The following SGCZ variants were observed in gnomAD, a reference collection of about 807,000 sequenced individuals.
SGCZ encodes the protein sarcoglycan zeta.
In SGCZ, 40 loss-of-function variants were observed where a neutral mutation model predicts 41.3. The observed-to-expected ratio is 0.97, with a 90% CI of 0.75 to 1.26. The LOEUF (loss-of-function observed/expected upper bound fraction) is 1.26, where lower values mean the gene tolerates loss of function less well. SGCZ is among the 50% of genes most tolerant of loss of function. The pLI is 0.00. For synonymous variants in SGCZ, 206 were observed against 137.5 expected, an observed-to-expected ratio of 1.50 and a Z score of -3.49; for missense variants, 552 against 369.8, an observed-to-expected ratio of 1.49 and a Z score of -4.04.
At chr8:14,293,773 C>G (rs193194391) in intron 3 of SGCZ, among the ~76,000 whole-genome samples, 24 of 151,938 alleles carry the variant, frequency 1.6e-4, no homozygotes, top group African/African-American at 5.8e-4. Flanking sequence ...TAAGCATTTT[C>G]CAACTTTGTC....
chr8:14,462,292 C>T (rs565823488), intron 2 of SGCZ, among the ~76,000 whole-genome samples: 11 of 151,916 alleles, frequency 7.2e-5, no homozygotes, highest in Non-Finnish European at 1.2e-4. Context: ...AAAAATGGAA[C>T]ACACAGGTAT....
intron 4 of SGCZ, among the ~76,000 whole-genome samples, chr8:14,180,336 G>C (rs1804681521): frequency 1.3e-5 from 2 of 152,132 alleles, no homozygotes; most frequent in Non-Finnish European, 2.9e-5. Flanking sequence ...AAGCACTGCA[G>C]GAAGTGCTTG....
At chr8:14,941,499 T>C (rs939090335) in intron 1 of SGCZ, among the ~76,000 whole-genome samples, 4 of 152,100 alleles carry the variant, frequency 2.6e-5, no homozygotes, top group Non-Finnish European at 5.9e-5. Flanking sequence ...ATAGTATGTT[T>C]ATATTTTCAT....
chr8:15,175,917 G>C (rs1409789768), intron 1 of SGCZ, among the ~76,000 whole-genome samples: 1 of 152,106 alleles, frequency 6.6e-6, no homozygotes, highest in Non-Finnish European at 1.5e-5. Flanking sequence ...AAGATTGCTA[G>C]GAAGATGGGC....
chr8:14,820,921 CAA>C (rs79481818), intron 1 of SGCZ, among the ~76,000 whole-genome samples: 1 of 132,564 alleles, frequency 7.5e-6, no homozygotes, highest in Admixed American at 7.3e-5. Flanking sequence ...CCTAAAGGAA[CAA>C]AAAAAAAACA....
At chr8:14,812,832 T>C (rs577846800) in intron 1 of SGCZ, among the ~76,000 whole-genome samples, 277 of 152,288 alleles carry the variant, frequency 1.8e-3, no homozygotes, top group Non-Finnish European at 3.2e-3. Flanking sequence ...TTATCAAGCA[T>C]GCTTATTAAA....
chr8:15,039,125 G>T (rs915793197), intron 1 of SGCZ, among the ~76,000 whole-genome samples: 8 of 151,998 alleles, frequency 5.3e-5, no homozygotes, highest in African/African-American at 1.9e-4. Context: ...ACTCACTACC[G>T]GTATATAGCC....
chr8:14,381,465 C>T (rs1025550524), intron 2 of SGCZ, among the ~76,000 whole-genome samples: 1 of 152,056 alleles, frequency 6.6e-6, no homozygotes, highest in Non-Finnish European at 1.5e-5. Flanking sequence ...TCTAAGAATA[C>T]TTCCAAAACA....
intron 1 of SGCZ, among the ~76,000 whole-genome samples, chr8:14,868,005 G>A (rs1803995724): frequency 1.3e-5 from 2 of 151,558 alleles, no homozygotes; most frequent in African/African-American, 2.4e-5. Flanking sequence ...CCACATGATT[G>A]AGTCCCTGCC....
intron 5 of SGCZ, among the ~76,000 whole-genome samples, chr8:14,125,945 G>C (rs1399698696): frequency 1.3e-5 from 2 of 152,124 alleles, no homozygotes; most frequent in East Asian, 3.8e-4. Flanking sequence ...CTGAAAACTG[G>C]ATTTGTTCGT....
intron 1 of SGCZ, among the ~76,000 whole-genome samples, chr8:15,014,572 G>C (rs1037190609): frequency 2.6e-5 from 4 of 152,154 alleles, no homozygotes; most frequent in Non-Finnish European, 4.4e-5. Context: ...AGAAACATGA[G>C]GCTCTGGTCA....
intron 1 of SGCZ, among the ~76,000 whole-genome samples, chr8:15,146,759 A>C (rs970770626): frequency 6.6e-6 from 1 of 152,200 alleles, no homozygotes; most frequent in East Asian, 1.9e-4. Context: ...TTTGACAAAA[A>C]TATTTTTATA....
chr8:14,441,614 T>G (rs1480861342), intron 2 of SGCZ, among the ~76,000 whole-genome samples: 1 of 152,140 alleles, frequency 6.6e-6, no homozygotes, highest in East Asian at 1.9e-4. Context: ...AATGATCATT[T>G]CATTTCTGGA....
chr8:14,734,202 A>G (rs944693919), intron 1 of SGCZ, among the ~76,000 whole-genome samples: 1 of 152,228 alleles, frequency 6.6e-6, no homozygotes, highest in Non-Finnish European at 1.5e-5. Context: ...AGCTGGCCGA[A>G]AAAGAATACG....
At chr8:14,156,636 C>A (rs1426677223) in intron 5 of SGCZ, among the ~76,000 whole-genome samples, 1 of 152,142 alleles carries the variant, frequency 6.6e-6, no homozygotes, top group Admixed American at 6.5e-5. Context: ...CTATTTCTTT[C>A]TTTCTGAATA....
chr8:14,504,710 C>A (rs12679716), intron 2 of SGCZ, among the ~76,000 whole-genome samples: 10,835 of 152,030 alleles, frequency 0.071, 589 homozygotes, highest in African/African-American at 0.15. Flanking sequence ...GATATCTGTT[C>A]AATTAAATAC....
chr8:14,204,210 T>C (rs991079446), intron 4 of SGCZ, among the ~76,000 whole-genome samples: 3 of 152,016 alleles, frequency 2.0e-5, no homozygotes, highest in Non-Finnish European at 4.4e-5. Flanking sequence ...ATGGGGGTAA[T>C]TTGTTTGTGT....
At position 14,110,331 on chromosome 8, in the gene SGCZ, G is replaced by A. The variant is rs375253657; in HGVS notation, c.548-2096C>T. On this transcript the variant is annotated intron_variant, in intron 5 of 7. Transcript: ENST00000382080. ...ATGATTATGAAAATTTCCCAGATAA[G>A]GTGACAGAAATATAATTAAACATCG... Among the ~76,000 whole-genome samples the A allele has an allele frequency of 2.1e-4, 32 of 152,064 alleles. No homozygotes were observed. The East Asian group carries it at 4.8e-3, about 23-fold the overall frequency.
chr8:14,729,240 C>T (rs1563230488), intron 1 of SGCZ, among the ~76,000 whole-genome samples: 2 of 152,174 alleles, frequency 1.3e-5, no homozygotes, highest in South Asian at 4.1e-4. Context: ...TGCCCAGTCA[C>T]GACAACGCTT....
Sources: allele counts gnomAD v4.1 joint callset (sites outside exome capture counted in the v4.1 genomes callset), GRCh38; gene constraint gnomAD v4.1.1; transcripts MANE v1.5; gene names NCBI Gene and HGNC (gene_info 2026-07-23, HGNC 2026-07-21).